DAZAP1: variants seen among roughly 807,000 people sequenced by gnomAD.
DAZAP1 encodes DAZ-associated protein 1.
In DAZAP1, 6 loss-of-function variants were observed where a neutral mutation model predicts 60.1. The observed-to-expected ratio is 0.10, with a 90% confidence interval of 0.05 to 0.20. The LOEUF is 0.20. DAZAP1 is among the 10% of genes least tolerant of loss of function. DAZAP1 has a pLI of 1.00. For missense variants in DAZAP1, 366 were observed against 560.4 expected (o/e 0.65, Z 3.50); for synonymous variants, 235 against 215.9 (o/e 1.09, Z -0.78).
In DAZAP1 at chr19:1,423,712, A is replaced by G. The variant is rs1477913603; in HGVS notation, c.463+1316A>G. ...TTCTAAATACGTTGTTTCATCACCG[A>G]TGCTGTGTTCCAATACTGCCTCTGA... is the stretch of plus-strand genomic sequence containing the variant. On this transcript the variant is annotated intron_variant, in intron 6 of 11. Coordinates refer to ENST00000233078, the MANE Select transcript of DAZAP1 (RefSeq NM_018959.4). This position sits in a 1 kb window ranked among gnomAD's most constrained non-coding sequence, Gnocchi z 6.8. 6.6e-6 allele frequency among the ~76,000 whole-genome samples: 1 copy of G among 152,232 alleles called. No homozygotes were observed. Among genetic ancestry groups the G allele is most frequent in the Non-Finnish European group, 1.5e-5 (1 of 68,042 alleles).
rs950100275 is a variant in DAZAP1, at chr19:1,425,614, G to A, written c.464-264G>A. On this transcript the variant is annotated intron_variant, in intron 6 of 11. Transcript: ENST00000233078. The surrounding 1 kb of genome is among the most constrained non-coding windows in gnomAD (Gnocchi z 5.4). Reference sequence around the variant, plus strand: ...TCTTTGTGACACGGAGCCCCAGCCCGGGGTGTCTGGGGCGGAGGCTTGACT... The same window carrying A: ...TCTTTGTGACACGGAGCCCCAGCCCAGGGTGTCTGGGGCGGAGGCTTGACT... Among the ~76,000 whole-genome samples, 15 of 152,192 alleles carry A rather than the reference G, an allele frequency of 9.9e-5. No individual in the cohort carries two copies. Among genetic ancestry groups the A allele is most frequent in the Non-Finnish European group, 1.9e-4 (13 of 68,030 alleles).
At position 1,422,539 on chromosome 19, in the gene DAZAP1, G is replaced by A. The variant is rs757244466; in HGVS notation, c.463+143G>A. The A allele has an allele frequency of 3.7e-5, 26 of 700,936 alleles. No homozygotes were observed. Among genetic ancestry groups the A allele is most frequent in the African/African-American group, 5.4e-5 (3 of 55,660 alleles). The allele number at this position is 700,936 out of a possible 1,614,324, so 43.4% of individuals were successfully genotyped here. On this transcript the variant is annotated intron_variant, in intron 6 of 11. Transcript: ENST00000233078. The surrounding 1 kb of genome is among the most constrained non-coding windows in gnomAD (Gnocchi z 4.5). ...CGATTTGGAGACAAATGACTAAAAC[G>A]TGGGCTCCTCATGTGCACCCCATTC...
intron 1 of DAZAP1, among the ~76,000 whole-genome samples, chr19:1,415,387 G>T (rs1358069827): frequency 2.1e-5 from 3 of 142,518 alleles, no homozygotes; most frequent in African/African-American, 7.9e-5. Flanking sequence ...GTGTGTGTGT[G>T]TGTTTTGTTT....
At chr19:1,412,564 G>A (rs930053489) in intron 1 of DAZAP1, among the ~76,000 whole-genome samples, 3 of 152,244 alleles carry the variant, frequency 2.0e-5, no homozygotes, top group Admixed American at 6.5e-5. Context: ...GAGGCTGCTG[G>A]CCCCGAATGG....
At chr19:1,410,374 C>T (rs1476715728) in intron 1 of DAZAP1, among the ~76,000 whole-genome samples, 2 of 152,094 alleles carry the variant, frequency 1.3e-5, no homozygotes, top group African/African-American at 4.8e-5. Flanking sequence ...TGGACAGTGT[C>T]CTCCTTTGGG....
At position 1,422,149 on chromosome 19, in the gene DAZAP1, G is replaced by C. The variant is rs942927471; in HGVS notation, c.415-199G>C. Among the ~76,000 whole-genome samples, 2 of 152,252 alleles carry C rather than the reference G, an allele frequency of 1.3e-5. No individual in the cohort carries two copies. The highest frequency in any genetic ancestry group is 4.8e-5 in the African/African-American group (2 of 41,462). ...CCTGGAGCTGCTTCTCCCTGCCTGC[G>C]TCTGGCCCTGGGAGTGTTGGGGCTC... is the stretch of plus-strand genomic sequence containing the variant. On this transcript the variant is annotated intron_variant, in intron 5 of 11. Coordinates refer to ENST00000233078, the MANE Select transcript of DAZAP1 (RefSeq NM_018959.4). This position sits in a 1 kb window ranked among gnomAD's most constrained non-coding sequence, Gnocchi z 4.5.
chr19:1,414,472 C>G (rs1041748356), intron 1 of DAZAP1, among the ~76,000 whole-genome samples: 2 of 152,104 alleles, frequency 1.3e-5, no homozygotes, highest in Non-Finnish European at 2.9e-5. Context: ...AGTGGCCGGG[C>G]GCAGCTACTC....
chr19:1,424,275 T>A (rs1600225527), intron 6 of DAZAP1, among the ~76,000 whole-genome samples: 1 of 150,174 alleles, frequency 6.7e-6, no homozygotes, highest in East Asian at 2.0e-4. Flanking sequence ...CATCCTGCGC[T>A]CCTCTCGCTG....
chr19:1,430,040 T>G (rs532715486), intron 9 of DAZAP1, 44 bp downstream of exon 9: 1 of 1,578,536 alleles, frequency 6.3e-7, no homozygotes, highest in East Asian at 2.3e-5. Flanking sequence ...AGAAGCCACA[T>G]GGCAGGCTGA....
chr19:1,421,648 G>T (rs1006638657), intron 5 of DAZAP1, among the ~76,000 whole-genome samples: 1 of 152,248 alleles, frequency 6.6e-6, no homozygotes, highest in Non-Finnish European at 1.5e-5. Flanking sequence ...CCCGAGCTCC[G>T]TTGAGCCCAG....
chr19:1,434,771 G>T lies in DAZAP1; in HGVS notation c.1083G>T (p.Gln361His). The change falls in exon 12 of 12, where the codon CAG (glutamine) becomes CAT (histidine). Residue 361 changes from glutamine to histidine, a missense_variant. Gln to His is a conservative substitution (Grantham distance 24, BLOSUM62 0). Transcript: ENST00000233078. This position sits in a 1 kb window ranked among gnomAD's most constrained non-coding sequence, Gnocchi z 8.0. ...GGCAGGACTTGAGTGGCTTCGGACA[G>T]GGCTTCTCAGACCCCAGCCAGCAGC... ...GYGQDLSGFG[Q>H]GFSDPSQQPP... 1 of 1,613,080 alleles carries T rather than the reference G, an allele frequency of 6.2e-7. No individual in the cohort carries two copies. The highest frequency in any genetic ancestry group is 1.1e-5 in the South Asian group (1 of 91,060).
intron 1 of DAZAP1, chr19:1,409,749 G>A (rs891379724): frequency 2.0e-5 from 3 of 152,384 alleles, no homozygotes; most frequent in Admixed American, 1.3e-4. Flanking sequence ...CTGCAGGTGC[G>A]GTGGGTGCCA....
rs2083295023 is a variant in DAZAP1, at chr19:1,425,929, A to T, written c.515A>T (p.Asn172Ile). 6.2e-7 allele frequency: 1 copy of T among 1,613,722 alleles called. No homozygotes were observed. Among genetic ancestry groups the T allele is most frequent in the Non-Finnish European group, 8.5e-7 (1 of 1,179,718 alleles). Residue 172 changes from asparagine (N) to isoleucine (I), a missense_variant, in exon 7 of 12, where the codon AAC becomes ATC. Asn to Ile is a moderately radical substitution (Grantham distance 149). Coordinates refer to ENST00000233078, the MANE Select transcript of DAZAP1 (RefSeq NM_018959.4). The surrounding 1 kb of genome is among the most constrained non-coding windows in gnomAD (Gnocchi z 5.4). ...EDEQSVDQAV[N>I]MHFHDIMGKK... ...GAACAATCAGTGGACCAGGCTGTCAACATGCATTTTCACGACATCATGGGC... is the reference window on the plus strand; with the variant it reads ...GAACAATCAGTGGACCAGGCTGTCATCATGCATTTTCACGACATCATGGGC...
At chr19:1,424,218 G>A (rs1018405637) in intron 6 of DAZAP1, among the ~76,000 whole-genome samples, 30 of 152,030 alleles carry the variant, frequency 2.0e-4, no homozygotes, top group Admixed American at 1.2e-3. Context: ...CGGCCCGCCC[G>A]CTCCAGCCGC....
In DAZAP1 at chr19:1,428,946, C is replaced by T. The variant is rs2083371834; in HGVS notation, c.651C>T (p.Gly217=). The change falls in exon 8 of 12, where the codon GGC becomes GGT. Residue 217 remains glycine (G), a synonymous_variant. Transcript: ENST00000233078. This position sits in a 1 kb window ranked among gnomAD's most constrained non-coding sequence, Gnocchi z 4.0. The part of the protein sequence containing the change: ...GSRVVPNAAN[G]WAGQPPPTWQ... ...GGGTTGTGCCCAACGCTGCCAATGG[C>T]TGGGCAGGCCAGCCCCCGCCCACGT... is the stretch of plus-strand genomic sequence containing the variant. The T allele has an allele frequency of 6.2e-7, 1 of 1,611,392 alleles. No individual in the cohort carries two copies. Among genetic ancestry groups the T allele is most frequent in the East Asian group, 2.2e-5 (1 of 44,842 alleles).
intron 8 of DAZAP1, 75 bp from the exon 9 acceptor site, chr19:1,429,892 T>A: frequency 6.5e-7 from 1 of 1,542,478 alleles, no homozygotes; most frequent in Non-Finnish European, 8.8e-7. Context: ...TTGACGTCCA[T>A]GCTCTGCGGC....
At chr19:1,413,805 A>T (rs2082895472) in intron 1 of DAZAP1, among the ~76,000 whole-genome samples, 1 of 152,220 alleles carries the variant, frequency 6.6e-6, no homozygotes, top group African/African-American at 2.4e-5. Flanking sequence ...GACTTGTTTC[A>T]AAAGAAACTG....
chr19:1,418,570 C>G lies in DAZAP1; in HGVS notation c.238-96C>G. ...AATGGAGCCGGCGGGGCGGGGCGGG[C>G]CGGGCTGCTGTGCCGTGGCTGCTGT... On this transcript the variant is annotated intron_variant, in intron 3 of 11. Coordinates refer to ENST00000233078, the MANE Select transcript of DAZAP1 (RefSeq NM_018959.4). The surrounding 1 kb of genome is among the most constrained non-coding windows in gnomAD (Gnocchi z 5.7). 7 of 1,522,804 alleles carry G rather than the reference C, an allele frequency of 4.6e-6. No individual in the cohort carries two copies. The highest frequency in any genetic ancestry group is 6.4e-6 in the Non-Finnish European group (7 of 1,100,074). 94.3% of individuals were successfully genotyped at this position (1,522,804 alleles called of 1,614,324 possible). A position where few individuals can be genotyped will look rare whatever the true frequency, so the allele number is the denominator to read the frequency against.
chr19:1,435,196 C>CT lies in DAZAP1; in HGVS notation c.*292dup, dbSNP rs1181366598. ...CAAAACTTCAGGTTTCTTTTTCTTC[C>CT]TTTTTTTTGGAAATTATTTTCCTGA... On this transcript the variant is annotated 3_prime_UTR_variant, in exon 12 of 12. Transcript: ENST00000233078. The CT allele has an allele frequency of 7.9e-5, 17 of 214,572 alleles. No homozygotes were observed. The highest frequency in any genetic ancestry group is 1.7e-4 in the South Asian group (1 of 6,042). 13.3% of individuals were successfully genotyped at this position (214,572 alleles called of 1,614,324 possible).
Sources: gnomAD v4.1 joint callset for allele counts (sites outside exome capture counted in the v4.1 genomes callset) on GRCh38, gnomAD v4.1.1 for gene constraint, Gnocchi (gnomAD v3.1) non-coding constraint, MANE v1.5 for transcripts, NCBI Gene and HGNC (gene_info 2026-07-23, HGNC 2026-07-21) for gene names.